The following GPAT3 variants were observed in gnomAD, a reference collection of about 807,000 sequenced individuals.
The protein encoded by GPAT3 is 1-AGP acyltransferase 9.
In GPAT3, 53 loss-of-function variants were observed where a neutral mutation model predicts 58.8. The ratio of observed to expected loss-of-function variants is 0.90; its 90% CI spans 0.72 to 1.13. The LOEUF (loss-of-function observed/expected upper bound fraction) is 1.13, where lower values mean the gene tolerates loss of function less well. GPAT3 is among the 50% of genes most tolerant of loss of function. GPAT3 has a pLI of 0.00. For synonymous variants in GPAT3, 197 were observed against 187.4 expected, an observed-to-expected ratio of 1.05 and a Z score of -0.42; for missense variants, 511 against 527.6, an observed-to-expected ratio of 0.97 and a Z score of 0.31.
At position 83,553,843 on chromosome 4, in the gene GPAT3, C is replaced by G. The variant is rs149522014; in HGVS notation, c.208+9241C>G. Among the ~76,000 whole-genome samples, 1,019 of 151,798 alleles carry G rather than the reference C, an allele frequency of 6.7e-3. 34 individuals carry two copies. Among genetic ancestry groups the G allele is most frequent in the Admixed American group, 0.06 (917 of 15,268 alleles). ...AGAGAGCTGAGATCGCACCACTGCACTCCAGCCTGGACGACAGAGTGAGAC... is the reference window on the plus strand; with the variant it reads ...AGAGAGCTGAGATCGCACCACTGCAGTCCAGCCTGGACGACAGAGTGAGAC... On this transcript the variant is annotated intron_variant, in intron 2 of 11. Transcript: ENST00000264409.
upstream of GPAT3, chr4:83,536,097 C>T (rs1301967251): frequency 1.0e-6 from 1 of 985,460 alleles, no homozygotes; most frequent in Admixed American, 6.1e-5. Flanking sequence ...GCTGGGCGCC[C>T]GAGCGCAGCC....
chr4:83,547,410 G>T (rs530731560), intron 2 of GPAT3, among the ~76,000 whole-genome samples: 2 of 151,336 alleles, frequency 1.3e-5, no homozygotes, highest in African/African-American at 2.4e-5. Context: ...CCGCCACCAC[G>T]CCCAGCTAAT....
intron 2 of GPAT3, among the ~76,000 whole-genome samples, chr4:83,573,989 A>G (rs1301319742): frequency 2.0e-5 from 3 of 152,196 alleles, no homozygotes; most frequent in Non-Finnish European, 4.4e-5. Context: ...TAATTAAAAC[A>G]TTTCCTATAG....
chr4:83,566,217 T>C (rs114693285), intron 2 of GPAT3, among the ~76,000 whole-genome samples: 2,866 of 152,180 alleles, frequency 0.019, 94 homozygotes, highest in African/African-American at 0.066. Context: ...TTTTTGTATT[T>C]TTGTAGAGAC....
At chr4:83,544,633 C>T in intron 2 of GPAT3, 31 bp downstream of exon 2, 2 of 1,607,072 alleles carry the variant, frequency 1.2e-6, no homozygotes, top group Non-Finnish European at 8.5e-7. Flanking sequence ...TGATTGTTAC[C>T]ATATTTAAAT....
chr4:83,550,233 A>G (rs544969515), intron 2 of GPAT3, among the ~76,000 whole-genome samples: 2 of 151,720 alleles, frequency 1.3e-5, no homozygotes, highest in Admixed American at 6.6e-5. Flanking sequence ...AGGTTTCACC[A>G]TGTTGCCCAG....
In GPAT3 at chr4:83,536,282, G is replaced by T. The variant is rs1365611233; in HGVS notation, c.-341G>T. On this transcript the variant is annotated 5_prime_UTR_variant, in exon 1 of 12. Coordinates refer to ENST00000264409, the MANE Select transcript of GPAT3 (RefSeq NM_032717.5). ...CCGGGCGGGGCGGGTTCCTGGCTGC[G>T]CTCGCGCGCTCTGCCCGCGCCGCGG... 6 of 1,044,150 alleles carry T rather than the reference G, an allele frequency of 5.7e-6. No individual in the cohort carries two copies. The highest frequency in any genetic ancestry group is 7.7e-5 in the East Asian group (1 of 12,942). The allele number at this position is 1,044,150 out of a possible 1,614,324, so 64.7% of individuals were successfully genotyped here. A position where few individuals can be genotyped will look rare whatever the true frequency, so the allele number is the denominator to read the frequency against.
At chr4:83,577,957 G>A (rs1245512628) in intron 2 of GPAT3, among the ~76,000 whole-genome samples, 3 of 151,784 alleles carry the variant, frequency 2.0e-5, no homozygotes, top group African/African-American at 4.8e-5. Context: ...GTGCCGCCAC[G>A]CCTGGCTAAT....
chr4:83,580,467 C>G (rs375603658), intron 2 of GPAT3, among the ~76,000 whole-genome samples: 1 of 152,184 alleles, frequency 6.6e-6, no homozygotes. Flanking sequence ...CATTTGCCTA[C>G]ATTTCTAATT....
At chr4:83,546,150 A>G (rs1724499559) in intron 2 of GPAT3, among the ~76,000 whole-genome samples, 1 of 151,836 alleles carries the variant, frequency 6.6e-6, no homozygotes, top group Admixed American at 6.6e-5. Context: ...ATGCCTGGCT[A>G]ATTTTTGTAT....
intron 3 of GPAT3, among the ~76,000 whole-genome samples, chr4:83,586,985 G>A (rs1458858735): frequency 1.3e-5 from 2 of 152,122 alleles, no homozygotes; most frequent in Admixed American, 1.3e-4. Flanking sequence ...ATACAGACTT[G>A]TTACACATGT....
intron 2 of GPAT3, among the ~76,000 whole-genome samples, chr4:83,579,048 T>C (rs1292134071): frequency 2.8e-5 from 1 of 36,098 alleles, no homozygotes; most frequent in Non-Finnish European, 5.3e-5. Flanking sequence ...CTTTCTTTCT[T>C]TCTTTCTTTC....
chr4:83,603,443 G>GT (rs1273273050), intron 11 of GPAT3, among the ~76,000 whole-genome samples: 1 of 152,192 alleles, frequency 6.6e-6, no homozygotes, highest in African/African-American at 2.4e-5. Context: ...TTCGGAATCT[G>GT]TTTTGGAATA....
At chr4:83,540,156 A>T (rs1049033779) in intron 1 of GPAT3, among the ~76,000 whole-genome samples, 4 of 110,958 alleles carry the variant, frequency 3.6e-5, no homozygotes, top group South Asian at 2.5e-4. Flanking sequence ...GACTCCATCT[A>T]AAAAAAAAAA....
chr4:83,542,291 C>T (rs1724333394), intron 1 of GPAT3, among the ~76,000 whole-genome samples: 1 of 152,156 alleles, frequency 6.6e-6, no homozygotes, highest in Non-Finnish European at 1.5e-5. Flanking sequence ...GGCACTAAAG[C>T]TTTAAGTAAA....
At chr4:83,550,403 CTGATGATGATGA>C (rs546600558) in intron 2 of GPAT3, among the ~76,000 whole-genome samples, 4 of 151,474 alleles carry the variant, frequency 2.6e-5, no homozygotes, top group Admixed American at 2.0e-4. Context: ...AATATTGTGT[CTGATGATGATGA>C]TGATGATGAT....
chr4:83,564,393 C>T (rs868291491), intron 2 of GPAT3, among the ~76,000 whole-genome samples: 10 of 151,928 alleles, frequency 6.6e-5, no homozygotes, highest in Non-Finnish European at 1.2e-4. Flanking sequence ...TTTCTAGGAC[C>T]TTCTCATGTA....
chr4:83,552,673 C>A (rs1041461177), intron 2 of GPAT3, among the ~76,000 whole-genome samples: 4 of 152,138 alleles, frequency 2.6e-5, no homozygotes, highest in Non-Finnish European at 4.4e-5. Flanking sequence ...CGAGAATATA[C>A]TGGTCTATTT....
At chr4:83,564,662 G>C (rs1046557565) in intron 2 of GPAT3, among the ~76,000 whole-genome samples, 1 of 151,824 alleles carries the variant, frequency 6.6e-6, no homozygotes, top group Admixed American at 6.6e-5. Flanking sequence ...TCACACCACC[G>C]AACTCTAGCC....
Sources: gnomAD v4.1 joint callset for allele counts (sites outside exome capture counted in the v4.1 genomes callset) on GRCh38, gnomAD v4.1.1 for gene constraint, MANE v1.5 for transcripts, NCBI Gene and HGNC (gene_info 2026-07-23, HGNC 2026-07-21) for gene names.